Variants in PLA2G4E observed in about 807,000 individuals in gnomAD.
PLA2G4E encodes the protein phospholipase A2 group IVE, also known as cytosolic phospholipase A2 epsilon.
In PLA2G4E, 84 loss-of-function variants were observed where a neutral mutation model predicts 109.1. The observed-to-expected ratio is 0.77, with a 90% confidence interval of 0.65 to 0.92. The LOEUF (loss-of-function observed/expected upper bound fraction) is 0.92. Ranked by LOEUF, PLA2G4E falls within the 40% of genes least tolerant of loss-of-function variation. PLA2G4E has a pLI of 0.00. For missense variants in PLA2G4E, 1,057 were observed against 1,076.6 expected (o/e 0.98, Z 0.25); for synonymous variants, 469 against 436.1 (o/e 1.08, Z -0.94).
At position 42,006,128 on chromosome 15, in the gene PLA2G4E, G is replaced by A; in HGVS notation, c.394-7C>T. ...CACTCAACTCTAGCACGTTCTAGGG[G>A]AGAAGGAAGGATGCCAGTCTGGTTA... On this transcript the variant is annotated splice_region_variant and splice_polypyrimidine_tract_variant and intron_variant, in intron 3 of 19. Coordinates refer to ENST00000399518, the Ensembl canonical transcript of PLA2G4E. The A allele has an allele frequency of 1.9e-6, 3 of 1,613,416 alleles. No individual in the cohort carries two copies. Among genetic ancestry groups the A allele is most frequent in the Non-Finnish European group, 2.5e-6 (3 of 1,179,544 alleles).
rs80023498 is a variant in PLA2G4E at position 42,024,692 on chromosome 15, C to T, written c.184-10935G>A. Among the ~76,000 whole-genome samples, 430 of 152,272 alleles carry T rather than the reference C, an allele frequency of 2.8e-3. 2 individuals are homozygous for T. Among genetic ancestry groups the T allele is most frequent in the African/African-American group, 0.01 (418 of 41,558 alleles). ...GCCAGCAGCACCTGTCTCCAGCCTC[C>T]TCTCTGCCTCCTACAGCTTGTGAGC... is the stretch of plus-strand genomic sequence containing the variant. On this transcript the variant is annotated intron_variant, in intron 1 of 19. Transcript: ENST00000399518.
At chr15:41,993,059 T>G in intron 12 of PLA2G4E, 100 bp from the exon 13 acceptor site, 1 of 1,066,952 alleles carries the variant, frequency 9.4e-7, no homozygotes, top group Non-Finnish European at 1.3e-6. Context: ...TTGAGAACCC[T>G]AACCTGCCAG....
At chr15:42,021,073 C>A (rs2068644524) in intron 1 of PLA2G4E, among the ~76,000 whole-genome samples, 31 bp from the exon 1 acceptor site, 1 of 152,050 alleles carries the variant, frequency 6.6e-6, no homozygotes, top group Admixed American at 6.5e-5. Context: ...GGAACTTATA[C>A]TCTGACTCAG....
intron 1 of PLA2G4E, among the ~76,000 whole-genome samples, chr15:42,023,989 C>T (rs35670495): frequency 0.14 from 22,045 of 152,106 alleles, 1,902 homozygotes; most frequent in Admixed American, 0.25. Flanking sequence ...AAGTATTTAC[C>T]GACTGCCTGC....
rs575594246 is a variant in PLA2G4E, at chr15:42,023,207, A to G, written c.184-9450T>C. 5.3e-4 allele frequency among the ~76,000 whole-genome samples: 81 copies of G among 152,014 alleles called. 1 individual carries two copies. Among genetic ancestry groups the G allele is most frequent in the African/African-American group, 1.7e-3 (72 of 41,438 alleles). On this transcript the variant is annotated intron_variant, in intron 1 of 19. Transcript: ENST00000399518. ...AGGCTTTGTGAAAGAACAAATCTGG[A>G]AAACACCCAGGTAAGGCCCCTCTGC...
intron 1 of PLA2G4E, chr15:42,050,499 C>A (rs1325308333): frequency 1.3e-6 from 2 of 1,544,718 alleles, no homozygotes. Context: ...ACCAGACCCC[C>A]CTCCCAGGAA....
At position 41,992,995 on chromosome 15, in the gene PLA2G4E, C is replaced by T. The variant is rs376465387; in HGVS notation, c.1248-36G>A. ...ACAGGCACAGCTGATAGGGCTGACC[C>T]GGCCCCTGTCTGATGAGTCCTGGAC... On this transcript the variant is annotated intron_variant, in intron 12 of 19. Coordinates refer to ENST00000399518, the Ensembl canonical transcript of PLA2G4E. 356 of 1,558,598 alleles carry T rather than the reference C, an allele frequency of 2.3e-4. No homozygotes were observed. The African/African-American group carries it at 4.2e-3, about 19-fold the overall frequency.
chr15:41,982,839 G>A (rs2068082386), exon 20 of PLA2G4E: 1 of 152,254 alleles, frequency 6.6e-6, no homozygotes, highest in African/African-American at 2.4e-5. Flanking sequence ...CTGGGTAGCT[G>A]GAGAGAGCCA....
Position 41,997,244 on chromosome 15 carries a change from G to A in PLA2G4E, c.990C>T (p.Asp330=), listed in dbSNP as rs552852000. The stretch of plus-strand genomic sequence containing the variant: ...GGCACAGGCTGAAGCCCAGCCGCAC[G>A]TCCAGTGTCTCAGGGCTGGAGGGAG... The change falls in exon 11 of 20, where the codon GAC becomes GAT. Residue 330 remains aspartate, a synonymous_variant. Transcript: ENST00000399518. 1.8e-4 allele frequency: 283 copies of A among 1,547,366 alleles called. 2 individuals are homozygous for A. The East Asian group carries it at 2.9e-3, about 16-fold the overall frequency.
chr15:41,982,788 G>C (rs1325011085), exon 20 of PLA2G4E: 1 of 152,258 alleles, frequency 6.6e-6, no homozygotes, highest in Non-Finnish European at 1.5e-5. Context: ...CTTGGGCATG[G>C]CTGTCTGGTC....
chr15:42,012,510 G>T (rs1402131539), intron 2 of PLA2G4E, among the ~76,000 whole-genome samples: 1 of 152,160 alleles, frequency 6.6e-6, no homozygotes, highest in African/African-American at 2.4e-5. Context: ...CTACAGGTCA[G>T]CCAGGCAGGT....
At chr15:41,985,760 A>G (rs2068129451) in intron 18 of PLA2G4E, 79 bp downstream of exon 18, 1 of 1,486,090 alleles carries the variant, frequency 6.7e-7, no homozygotes, top group Non-Finnish European at 9.2e-7. Flanking sequence ...CCCAGTTCAC[A>G]GCGAGTGAGG....
chr15:42,049,157 T>A (rs934758477), intron 1 of PLA2G4E, among the ~76,000 whole-genome samples: 2 of 151,996 alleles, frequency 1.3e-5, no homozygotes, highest in African/African-American at 4.8e-5. Context: ...TGAGCTCTTG[T>A]GGGAATGGTG....
rs773828912 is a variant in PLA2G4E, at chr15:41,990,236, C to A, written c.1471-1G>T. Reference sequence around the variant, plus strand: ...GATCTGACAGTTTGCATTCATTTCTCTGTGGGGAAACAAAATGGTTAAAGA... The same window carrying A: ...GATCTGACAGTTTGCATTCATTTCTATGTGGGGAAACAAAATGGTTAAAGA... On this transcript the variant is annotated splice_acceptor_variant, in intron 13 of 19. Coordinates refer to ENST00000399518, the Ensembl canonical transcript of PLA2G4E. LOFTEE classifies it high-confidence loss of function. 86 of 1,613,114 alleles carry A rather than the reference C, an allele frequency of 5.3e-5. No homozygotes were observed. The highest frequency in any genetic ancestry group is 6.9e-5 in the Non-Finnish European group (81 of 1,179,608).
At chr15:42,039,098 C>T (rs1889269818) in intron 1 of PLA2G4E, among the ~76,000 whole-genome samples, 1 of 152,058 alleles carries the variant, frequency 6.6e-6, no homozygotes, top group Admixed American at 6.6e-5. Flanking sequence ...TTGACTCCAC[C>T]CACTTCCCCC....
intron 1 of PLA2G4E, among the ~76,000 whole-genome samples, chr15:42,043,267 G>GC: frequency 6.6e-6 from 1 of 152,134 alleles, no homozygotes; most frequent in Non-Finnish European, 1.5e-5. Context: ...CACCTTTGTT[G>GC]CCTAAGAGGT....
At chr15:42,005,450 G>A (rs2068465497) in intron 4 of PLA2G4E, among the ~76,000 whole-genome samples, 1 of 152,252 alleles carries the variant, frequency 6.6e-6, no homozygotes, top group Non-Finnish European at 1.5e-5. Context: ...CTAGGTGAGG[G>A]CAGGGATGCT....
chr15:42,006,283 A>T, intron 3 of PLA2G4E, 162 bp from the exon 4 acceptor site: 1 of 829,854 alleles, frequency 1.2e-6, no homozygotes, highest in Non-Finnish European at 1.8e-6. Flanking sequence ...AGGGAAACGA[A>T]TTAAGGAAGG....
At chr15:41,990,570 C>T (rs956294050) in intron 13 of PLA2G4E, among the ~76,000 whole-genome samples, 6 of 152,032 alleles carry the variant, frequency 3.9e-5, no homozygotes, top group Admixed American at 2.6e-4. Flanking sequence ...TCTGCCCCAT[C>T]GTCTTCCCTC....
Sources: gnomAD v4.1 joint callset for allele counts (sites outside exome capture counted in the v4.1 genomes callset) on GRCh38, gnomAD v4.1.1 for gene constraint, MANE v1.5 for transcripts, NCBI Gene and HGNC (gene_info 2026-07-23, HGNC 2026-07-21) for gene names.